Variants in SPINK6 observed in about 807,000 individuals in gnomAD.
SPINK6 encodes the protein serine peptidase inhibitor Kazal type 6, also known as serine protease inhibitor Kazal-type 6.
In SPINK6, 13 loss-of-function variants were observed where a neutral mutation model predicts 11.7. That is an observed-to-expected ratio of 1.11 (90% CI 0.72 to 1.76). The LOEUF is 1.76. SPINK6 is among the 40% of genes most tolerant of loss of function. The pLI is 0.00. For missense variants in SPINK6, 98 were observed against 93.7 expected (o/e 1.05, Z -0.19); for synonymous variants, 21 against 31.9 (o/e 0.66, Z 1.15).
intron 2 of SPINK6, among the ~76,000 whole-genome samples, chr5:148,206,777 C>T (rs1755504287): frequency 6.6e-6 from 1 of 152,088 alleles, no homozygotes; most frequent in South Asian, 2.1e-4. Context: ...TCTGCCAATC[C>T]TGTTCCTTTG....
Position 148,209,981 on chromosome 5 carries a change from TATGTATACATATACACGTATGTATAC to T in SPINK6, c.82-3922_82-3897del, listed in dbSNP as rs1427605327. 3.0e-3 allele frequency among the ~76,000 whole-genome samples: 362 copies of T among 121,780 alleles called. 91 individuals carry two copies. Among genetic ancestry groups the T allele is most frequent in the Admixed American group, 3.6e-3 (49 of 13,670 alleles). 79.9% of individuals were successfully genotyped at this position (121,780 alleles called of 152,430 possible). On this transcript the variant is annotated intron_variant, in intron 2 of 3. Transcript: ENST00000325630. ...ATGTATACATACATACGTACGTATG[TATGTATACATATACACGTATGTATAC>T]ATGTATGTACGCATGTACGCATGCA...
At chr5:148,203,034 T>G (rs1346434451), upstream of SPINK6, 1 of 1,395,252 alleles carries the variant, frequency 7.2e-7, no homozygotes, top group Non-Finnish European at 9.9e-7. Flanking sequence ...TTTCTGGGAA[T>G]TGTCTTGACA....
At chr5:148,210,037 C>CGTATGTATGCATATATGTATGTATAT (rs1335026990) in intron 2 of SPINK6, among the ~76,000 whole-genome samples, 4 of 26,116 alleles carry the variant, frequency 1.5e-4, no homozygotes, top group South Asian at 2.8e-3. Flanking sequence ...CATGCACAAA[C>CGTATGTATGCATATATGTATGTATAT]GTATGTATGC....
chr5:148,213,296 C>T (rs1430690605), intron 2 of SPINK6, among the ~76,000 whole-genome samples: 1 of 152,086 alleles, frequency 6.6e-6, no homozygotes, highest in African/African-American at 2.4e-5. Flanking sequence ...ACTGCAAGCT[C>T]CGTCTCCCAG....
Position 148,214,896 on chromosome 5 carries a change from T to G in SPINK6, c.198-9T>G. The stretch of plus-strand genomic sequence containing the variant: ...GCACTGAGTATATATTTGTCTTTCT[T>G]TTTTGTAGGAAAAGTGGTGGAAAGA... On this transcript the variant is annotated splice_polypyrimidine_tract_variant and intron_variant, in intron 3 of 3. Transcript: ENST00000325630. The G allele has an allele frequency of 6.2e-7, 1 of 1,613,198 alleles. No homozygotes were observed. The highest frequency in any genetic ancestry group is 8.5e-7 in the Non-Finnish European group (1 of 1,179,352).
At chr5:148,207,708 A>C (rs1488194786) in intron 2 of SPINK6, among the ~76,000 whole-genome samples, 2 of 152,118 alleles carry the variant, frequency 1.3e-5, no homozygotes, top group Non-Finnish European at 2.9e-5. Flanking sequence ...GAGTACCTGC[A>C]GTCCCAGCTA....
At chr5:148,211,858 G>A (rs150244077) in intron 2 of SPINK6, among the ~76,000 whole-genome samples, 1 of 152,250 alleles carries the variant, frequency 6.6e-6, no homozygotes, top group Non-Finnish European at 1.5e-5. Context: ...GGGTTCAGTT[G>A]TGCTAGGCTC....
chr5:148,210,987 A>C (rs1755589976), intron 2 of SPINK6, among the ~76,000 whole-genome samples: 1 of 152,124 alleles, frequency 6.6e-6, no homozygotes, highest in African/African-American at 2.4e-5. Flanking sequence ...ATATATCCCA[A>C]ATCTATGTTT....
chr5:148,213,953 G>A lies in SPINK6; in HGVS notation c.125G>A (p.Arg42Gln), dbSNP rs777868855. The A allele has an allele frequency of 1.7e-5, 28 of 1,613,622 alleles. No individual in the cohort carries two copies. Among genetic ancestry groups the A allele is most frequent in the Middle Eastern group, 3.3e-4 (2 of 6,084 alleles). The change falls in exon 3 of 4, where the codon CGG (arginine) becomes CAG (glutamine). Residue 42 changes from arginine (R) to glutamine (Q), a missense_variant. By Grantham distance (43) the Arg-to-Gln change is conservative. Coordinates refer to ENST00000325630, the MANE Select transcript of SPINK6 (RefSeq NM_205841.4). Reference protein sequence around the residue: ...EFQDPKVYCTRESNPHCGSDG... With the variant: ...EFQDPKVYCTQESNPHCGSDG... The stretch of plus-strand genomic sequence containing the variant: ...CAGGACCCCAAGGTCTACTGCACTC[G>A]GGAATCTAACCCACACTGTGGCTCT...
intron 2 of SPINK6, among the ~76,000 whole-genome samples, chr5:148,209,212 A>G (rs776222451): frequency 2.0e-5 from 3 of 152,188 alleles, no homozygotes; most frequent in African/African-American, 4.8e-5. Flanking sequence ...TCTAGTACCT[A>G]TAACTTAATT....
rs1315293757 is a variant in SPINK6, at chr5:148,211,535, T to C, written c.82-2375T>C. Among the ~76,000 whole-genome samples, 6 of 152,284 alleles carry C rather than the reference T, an allele frequency of 3.9e-5. No homozygotes were observed. In the East Asian group the frequency reaches 5.8e-4, roughly 15 times the overall value. ...TTTATATGACCACATTTGTTCCTTA[T>C]AAAAACCTTGGGAATCTGAAAATTA... is the stretch of plus-strand genomic sequence containing the variant. On this transcript the variant is annotated intron_variant, in intron 2 of 3. Coordinates refer to ENST00000325630, the MANE Select transcript of SPINK6 (RefSeq NM_205841.4).
intron 2 of SPINK6, among the ~76,000 whole-genome samples, chr5:148,209,228 T>C (rs1264189830): frequency 6.6e-6 from 1 of 152,166 alleles, no homozygotes; most frequent in Non-Finnish European, 1.5e-5. Flanking sequence ...TAATTACAAA[T>C]TGAAAAACTA....
intron 3 of SPINK6, 53 bp downstream of exon 3, chr5:148,214,078 A>C: frequency 9.2e-7 from 1 of 1,085,440 alleles, no homozygotes; most frequent in East Asian, 2.4e-5. Context: ...CTTCCATAAT[A>C]AGACTAAGAC....
chr5:148,214,152 A>G (rs1014612774), intron 3 of SPINK6, 127 bp downstream of exon 3: 6 of 509,068 alleles, frequency 1.2e-5, no homozygotes, highest in African/African-American at 9.7e-5. Flanking sequence ...AACAAGCTTC[A>G]GGCAATTTGA....
chr5:148,210,003 T>TATGTATCC (rs1755556804), intron 2 of SPINK6, among the ~76,000 whole-genome samples: 1 of 142,006 alleles, frequency 7.0e-6, no homozygotes, highest in African/African-American at 2.5e-5. Context: ...TACACGTATG[T>TATGTATCC]ATACATGTAT....
At chr5:148,213,276 A>C (rs1755637628) in intron 2 of SPINK6, among the ~76,000 whole-genome samples, 1 of 151,958 alleles carries the variant, frequency 6.6e-6, no homozygotes, top group Admixed American at 6.6e-5. Flanking sequence ...CGGTGGCGCG[A>C]TCTGGGCTCA....
intron 2 of SPINK6, among the ~76,000 whole-genome samples, chr5:148,210,781 T>TAAATTTAAAA (rs1755587374): frequency 6.6e-6 from 1 of 151,870 alleles, no homozygotes; most frequent in Non-Finnish European, 1.5e-5. Context: ...CATGAGGAAA[T>TAAATTTAAAA]CATAAAAGTT....
chr5:148,212,548 TTA>T (rs1464171993), intron 2 of SPINK6, among the ~76,000 whole-genome samples: 2 of 112,520 alleles, frequency 1.8e-5, no homozygotes, highest in Admixed American at 1.2e-4. Context: ...AAGTATATAT[TTA>T]TATATTTATA....
At chr5:148,212,642 A>AAATATT (rs1755623750) in intron 2 of SPINK6, among the ~76,000 whole-genome samples, 13 of 106,142 alleles carry the variant, frequency 1.2e-4, no homozygotes, top group African/African-American at 5.0e-4. Flanking sequence ...ATTATATATA[A>AAATATT]TATAAATATA....
Sources: gnomAD v4.1 joint callset for allele counts (sites outside exome capture counted in the v4.1 genomes callset) on GRCh38, gnomAD v4.1.1 for gene constraint, MANE v1.5 for transcripts, NCBI Gene and HGNC (gene_info 2026-07-23, HGNC 2026-07-21) for gene names.